The following ADAMTSL1 variants were observed in gnomAD, a reference collection of about 807,000 sequenced individuals.
ADAMTSL1 encodes the protein ADAMTS like 1, also known as ADAMTS-like protein 1.
A neutral mutation model predicts 201.8 loss-of-function variants in ADAMTSL1; 126 were observed. That is an observed-to-expected ratio of 0.62 (90% CI 0.54 to 0.72). The LOEUF (loss-of-function observed/expected upper bound fraction) is 0.72, where lower values mean the gene tolerates loss of function less well. Among genes scored for constraint, ADAMTSL1 ranks in the 30% least tolerant of loss-of-function variants. The pLI, the probability that ADAMTSL1 is intolerant of heterozygous loss-of-function variation, is 0.00. For missense variants in ADAMTSL1, 2,679 were observed against 2,277.8 expected (o/e 1.18, Z -3.59); for synonymous variants, 1,121 against 903.4 (o/e 1.24, Z -4.32).
At chr9:18,065,429 G>A (rs1822651993) in intron 1 of ADAMTSL1, among the ~76,000 whole-genome samples, 1 of 151,976 alleles carries the variant, frequency 6.6e-6, no homozygotes, top group African/African-American at 2.4e-5. Flanking sequence ...CTTTATAATT[G>A]TTTCCATTTT....
chr9:18,501,190 G>C (rs545334090), intron 1 of ADAMTSL1, among the ~76,000 whole-genome samples: 1 of 152,092 alleles, frequency 6.6e-6, no homozygotes, highest in African/African-American at 2.4e-5. Flanking sequence ...CTGCTGTAAA[G>C]TTAAAAGGAC....
chr9:18,659,691 C>T (rs1024202645), intron 8 of ADAMTSL1, among the ~76,000 whole-genome samples: 1 of 152,122 alleles, frequency 6.6e-6, no homozygotes, highest in African/African-American at 2.4e-5. Flanking sequence ...TGCTTGAAAC[C>T]AGGAGGCAGA....
chr9:18,766,128 C>T lies in ADAMTSL1; in HGVS notation c.2218-4474C>T, dbSNP rs57341900. Among the ~76,000 whole-genome samples the T allele has an allele frequency of 1.2e-3, 177 of 152,234 alleles. 1 individual carries two copies. The highest frequency in any genetic ancestry group is 4.1e-3 in the African/African-American group (172 of 41,548). ...AATATAAGATTACAGAGGTGTACAACGCTTCTCTTGCTCTGCTATACATTC... is the reference window on the plus strand; with the variant it reads ...AATATAAGATTACAGAGGTGTACAATGCTTCTCTTGCTCTGCTATACATTC... On this transcript the variant is annotated intron_variant, in intron 16 of 28. Coordinates refer to ENST00000380548, the MANE Select transcript of ADAMTSL1 (RefSeq NM_001040272.6).
chr9:18,165,502 G>C (rs1197983239), intron 2 of ADAMTSL1, among the ~76,000 whole-genome samples: 1 of 151,760 alleles, frequency 6.6e-6, no homozygotes, highest in Admixed American at 6.6e-5. Flanking sequence ...AATGAAAACT[G>C]TCCATGCTGT....
rs569788657 is a variant in ADAMTSL1 at position 18,276,834 on chromosome 9, C to G, written c.207+112853C>G. 1.4e-3 allele frequency among the ~76,000 whole-genome samples: 211 copies of G among 152,256 alleles called. 1 individual carries two copies. The highest frequency in any genetic ancestry group is 4.9e-3 in the African/African-American group (205 of 41,566). On this transcript the variant is annotated intron_variant, in intron 2 of 29. Coordinates refer to the ADAMTSL1 transcript ENST00000680146. ...AGCACCAAGCTATTCATGGAAGACC[C>G]ACCCCCAGGACCCAAACTCCTCTCA... is the stretch of plus-strand genomic sequence containing the variant.
intron 14 of ADAMTSL1, among the ~76,000 whole-genome samples, chr9:18,712,273 G>T (rs1453097616): frequency 1.3e-5 from 2 of 152,254 alleles, no homozygotes; most frequent in Non-Finnish European, 2.9e-5. Context: ...GCTGAGAGAA[G>T]AAGGCTTCAG....
chr9:17,923,511 A>C (rs892024127), intron 1 of ADAMTSL1, among the ~76,000 whole-genome samples: 3 of 152,014 alleles, frequency 2.0e-5, no homozygotes, highest in African/African-American at 7.2e-5. Flanking sequence ...GACTTTGCTG[A>C]AGGAGATTTT....
intron 1 of ADAMTSL1, among the ~76,000 whole-genome samples, chr9:18,101,023 CACAT>C (rs1160803909): frequency 1.3e-5 from 2 of 152,160 alleles, no homozygotes; most frequent in Non-Finnish European, 2.9e-5. Flanking sequence ...GATATGCTGT[CACAT>C]ACTTTTGTTG....
intron 23 of ADAMTSL1, among the ~76,000 whole-genome samples, chr9:18,838,133 C>A (rs1402957284): frequency 1.3e-5 from 2 of 152,010 alleles, no homozygotes; most frequent in Non-Finnish European, 2.9e-5. Context: ...AGAAGCAAGT[C>A]ACGTCTTACA....
intron 1 of ADAMTSL1, among the ~76,000 whole-genome samples, chr9:17,981,999 A>G (rs998707141): frequency 6.6e-6 from 1 of 152,220 alleles, no homozygotes; most frequent in Non-Finnish European, 1.5e-5. Flanking sequence ...CTTTGGGGCA[A>G]AAATGGCTTT....
intron 10 of ADAMTSL1, among the ~76,000 whole-genome samples, chr9:18,676,774 A>G (rs1830156122): frequency 6.6e-6 from 1 of 152,116 alleles, no homozygotes; most frequent in Non-Finnish European, 1.5e-5. Flanking sequence ...GGAGTAATCC[A>G]CAGCAGCCTG....
intron 19 of ADAMTSL1, among the ~76,000 whole-genome samples, chr9:18,785,849 T>C (rs76128371): frequency 0.02 from 3,107 of 152,286 alleles, 94 homozygotes; most frequent in African/African-American, 0.07. Context: ...AGAGCCAGAT[T>C]CTCCAAAATT....
intron 2 of ADAMTSL1, among the ~76,000 whole-genome samples, chr9:18,399,318 T>TATATATACATAC (rs1554672313): frequency 8.9e-5 from 9 of 100,796 alleles, no homozygotes; most frequent in Non-Finnish European, 1.2e-4. Context: ...TATATATATA[T>TATATATACATAC]ATATATATAT....
intron 23 of ADAMTSL1, among the ~76,000 whole-genome samples, chr9:18,876,746 T>G (rs572556280): frequency 6.6e-6 from 1 of 152,316 alleles, no homozygotes; most frequent in African/African-American, 2.4e-5. Flanking sequence ...ATGATCTTTT[T>G]GCAATTAATT....
chr9:18,440,616 A>G (rs967702770), intron 2 of ADAMTSL1, among the ~76,000 whole-genome samples: 1 of 150,736 alleles, frequency 6.6e-6, no homozygotes, highest in Non-Finnish European at 1.5e-5. Flanking sequence ...TATATATATT[A>G]TATATATCTT....
At chr9:17,953,527 C>T (rs1827809670) in intron 1 of ADAMTSL1, among the ~76,000 whole-genome samples, 1 of 152,156 alleles carries the variant, frequency 6.6e-6, no homozygotes, top group Non-Finnish European at 1.5e-5. Flanking sequence ...GTTCATTCAT[C>T]GTCGTTCCTA....
At chr9:18,409,687 G>T (rs1818351928) in intron 2 of ADAMTSL1, among the ~76,000 whole-genome samples, 1 of 150,120 alleles carries the variant, frequency 6.7e-6, no homozygotes, top group African/African-American at 2.4e-5. Context: ...GTCAGTTTTG[G>T]AGTCTTCAAA....
intron 2 of ADAMTSL1, among the ~76,000 whole-genome samples, chr9:18,422,867 T>G (rs1702884253): frequency 6.6e-6 from 1 of 152,238 alleles, no homozygotes; most frequent in South Asian, 2.1e-4. Context: ...GAAGACTTTA[T>G]CACTTGAGGG....
At chr9:18,900,063 T>A (rs998272911) in intron 26 of ADAMTSL1, among the ~76,000 whole-genome samples, 4 of 151,890 alleles carry the variant, frequency 2.6e-5, no homozygotes, top group African/African-American at 9.7e-5. Context: ...CTAAATCCAG[T>A]CAAGAGGAAC....
Sources: allele counts gnomAD v4.1 joint callset (sites outside exome capture counted in the v4.1 genomes callset), GRCh38; gene constraint gnomAD v4.1.1; transcripts MANE v1.5; gene names NCBI Gene and HGNC (gene_info 2026-07-23, HGNC 2026-07-21).